The following ZNF248 variants were observed in gnomAD, a reference collection of about 807,000 sequenced individuals.
The protein encoded by ZNF248 is zinc finger protein 248, also known as KRAB protein domain.
Under a neutral mutation model 44.3 loss-of-function variants are expected in ZNF248, and 20 were observed. The observed-to-expected ratio is 0.45, with a 90% CI of 0.32 to 0.66. The LOEUF is 0.66. Ranked by LOEUF, ZNF248 falls within the 30% of genes least tolerant of loss-of-function variation. The pLI is 0.04. For missense variants in ZNF248, 654 were observed against 677.0 expected, an observed-to-expected ratio of 0.97 and a Z score of 0.38; for synonymous variants, 224 against 229.0, an observed-to-expected ratio of 0.98 and a Z score of 0.20.
intron 6 of ZNF248, among the ~76,000 whole-genome samples, chr10:37,813,760 GTGTT>G (rs2051956603): frequency 6.6e-6 from 1 of 152,196 alleles, no homozygotes. Flanking sequence ...GCGTGTGCAT[GTGTT>G]TGTGTGTGTT....
At chr10:37,802,930 A>G (rs2050004273) in intron 6 of ZNF248, 1 of 152,252 alleles carries the variant, frequency 6.6e-6, no homozygotes, top group East Asian at 1.9e-4. Context: ...CTGAAGCTCA[A>G]GTAATCCTCC....
chr10:37,821,096 A>G (rs954434753), intron 6 of ZNF248: 3 of 586,292 alleles, frequency 5.1e-6, no homozygotes, highest in Admixed American at 6.2e-5. Context: ...AGAGGTCCTC[A>G]TGCTGCCATT....
At chr10:37,795,321 C>T (rs1258044791) in intron 6 of ZNF248, 2 of 152,038 alleles carry the variant, frequency 1.3e-5, no homozygotes, top group East Asian at 1.9e-4. Context: ...TTCAAAGAGG[C>T]TCTCCCCTGT....
chr10:37,781,645 G>T (rs973060686), intron 6 of ZNF248, among the ~76,000 whole-genome samples: 14 of 152,140 alleles, frequency 9.2e-5, no homozygotes, highest in African/African-American at 3.4e-4. Context: ...CCAACCTCTG[G>T]GCTACCCACA....
Position 37,832,594 on chromosome 10 carries a change from C to CT in ZNF248, c.760dup (p.Ser254LysfsTer45). 1.2e-6 allele frequency: 2 copies of CT among 1,613,662 alleles called. No individual in the cohort carries two copies. The highest frequency in any genetic ancestry group is 1.7e-6 in the Non-Finnish European group (2 of 1,179,898). On this transcript the variant is annotated frameshift_variant, in exon 6 of 6. Coordinates refer to ENST00000395867, the MANE Select transcript of ZNF248 (RefSeq NM_021045.3). LOFTEE classifies it high-confidence loss of function. ...TCTTTGAGATATATTCAGCTTTAAA[C>CT]TTTCAATGAAGGTTCTTCCACATTC...
Position 37,828,774 on chromosome 10 carries a change from C to T in ZNF248, c.*2841G>A. The stretch of plus-strand genomic sequence containing the variant: ...AATTAATCAAACAGTGCAGGGACAA[C>T]TGGCTATTTATTTGGAAGAATACAG... On this transcript the variant is annotated 3_prime_UTR_variant, in exon 6 of 6. Transcript: ENST00000395867. 1.0e-6 allele frequency: 1 copy of T among 985,298 alleles called. No individual in the cohort carries two copies. The highest frequency in any genetic ancestry group is 4.7e-5 in the South Asian group (1 of 21,292). The allele number at this position is 985,298 out of a possible 1,614,324, so 61.0% of individuals were successfully genotyped here. A position where few individuals can be genotyped will look rare whatever the true frequency, so the allele number is the denominator to read the frequency against.
intron 6 of ZNF248, chr10:37,821,123 CTT>C: frequency 1.9e-6 from 1 of 526,194 alleles, no homozygotes; most frequent in South Asian, 2.6e-5. Flanking sequence ...GTCATGGTAA[CTT>C]TTTATATTTA....
At chr10:37,782,910 G>T (rs917836655) in intron 6 of ZNF248, among the ~76,000 whole-genome samples, 5 of 152,130 alleles carry the variant, frequency 3.3e-5, no homozygotes, top group African/African-American at 1.2e-4. Context: ...AAGCCACCCA[G>T]TTTTAGGTAC....
At chr10:37,815,489 ATTTGT>A (rs1270386368) in intron 6 of ZNF248, among the ~76,000 whole-genome samples, 4 of 151,910 alleles carry the variant, frequency 2.6e-5, no homozygotes, top group Non-Finnish European at 4.4e-5. Flanking sequence ...CAGCTCCAGA[ATTTGT>A]TTTCTCTATC....
intron 4 of ZNF248, 79 bp from the exon 5 acceptor site, chr10:37,837,791 G>T: frequency 7.0e-7 from 1 of 1,421,064 alleles, no homozygotes; most frequent in Non-Finnish European, 9.7e-7. Context: ...GGGAAGAAAG[G>T]CACAGCTTCA....
At chr10:37,828,747 T>C (rs890708829), downstream of ZNF248, 6 of 985,148 alleles carry the variant, frequency 6.1e-6, no homozygotes, top group African/African-American at 1.0e-4. Context: ...CAAGAAAGGG[T>C]GAATTAATCA....
Position 37,856,299 on chromosome 10 carries a change from G to GAA in ZNF248, c.11_12insTT (p.Gln5SerfsTer33). 6.2e-7 allele frequency: 1 copy of GAA among 1,613,278 alleles called. No homozygotes were observed. Among genetic ancestry groups the GAA allele is most frequent in the South Asian group, 1.1e-5 (1 of 91,022 alleles). ...AATAAAGAAACAAGAATCTCACCTG[G>GAA]GATTTGTTCATTTTCCGCTCTTAGT... On this transcript the variant is annotated frameshift_variant, in exon 3 of 6. Coordinates refer to ENST00000395867, the MANE Select transcript of ZNF248 (RefSeq NM_021045.3). LOFTEE classifies it high-confidence loss of function.
At position 37,820,339 on chromosome 10, in the gene ZNF248, CT is replaced by C. The variant is rs2053257077; in HGVS notation, c.330+12685del. On this transcript the variant is annotated intron_variant, in intron 6 of 6. Coordinates refer to the ZNF248 transcript ENST00000615949. The stretch of plus-strand genomic sequence containing the variant: ...GAAACAGAAGTGAAGCACAGGCCAG[CT>C]CCCCTTTGTGCCAGCTGCTCTGGGT... The C allele has an allele frequency of 1.3e-5, 18 of 1,399,440 alleles. No individual in the cohort carries two copies. In the South Asian group the frequency reaches 1.5e-4, roughly 12 times the overall value. The allele number at this position is 1,399,440 out of a possible 1,614,324, so 86.7% of individuals were successfully genotyped here.
chr10:37,794,102 A>G (rs1347888343), intron 6 of ZNF248, among the ~76,000 whole-genome samples: 1 of 152,226 alleles, frequency 6.6e-6, no homozygotes, highest in Non-Finnish European at 1.5e-5. Flanking sequence ...TCTCTCATAT[A>G]TAATGAGTTT....
At chr10:37,791,024 T>C (rs956654672) in intron 6 of ZNF248, among the ~76,000 whole-genome samples, 2 of 145,102 alleles carry the variant, frequency 1.4e-5, no homozygotes, top group Non-Finnish European at 3.0e-5. Flanking sequence ...TTTTTGTTTC[T>C]CTTATACTTT....
intron 6 of ZNF248, among the ~76,000 whole-genome samples, chr10:37,781,861 A>G (rs2047354554): frequency 6.6e-6 from 1 of 152,198 alleles, no homozygotes; most frequent in Non-Finnish European, 1.5e-5. Context: ...TAAGGTTATT[A>G]ATCTTCTCCT....
chr10:37,832,318 T>G lies in ZNF248; in HGVS notation c.1037A>C (p.His346Pro). 1 of 1,614,074 alleles carries G rather than the reference T, an allele frequency of 6.2e-7. No individual in the cohort carries two copies. The highest frequency in any genetic ancestry group is 1.3e-5 in the African/African-American group (1 of 75,046). ...GTAATCATAAGACTTTCCCCCCATGTGTACTATTTGATGTTTTAAGAGAGC... is the reference window on the plus strand; with the variant it reads ...GTAATCATAAGACTTTCCCCCCATGGGTACTATTTGATGTTTTAAGAGAGC... The part of the protein sequence containing the change: ...KSALLKHQIV[H>P]MGGKSYDYNE... The change falls in exon 6 of 6, where the codon CAC becomes CCC. Residue 346 changes from histidine to proline, a missense_variant. By Grantham distance (77) the His-to-Pro change is moderately conservative. Coordinates refer to ENST00000395867, the MANE Select transcript of ZNF248 (RefSeq NM_021045.3).
Position 37,832,576 on chromosome 10 carries a change from G to A in ZNF248, c.779C>T (p.Ser260Phe), listed in dbSNP as rs1216608583. Residue 260 changes from serine (S) to phenylalanine (F), a missense_variant, in exon 6 of 6, where the codon TCT becomes TTT. Physicochemically the swap from Ser to Phe is radical, Grantham distance 155. Coordinates refer to ENST00000395867, the MANE Select transcript of ZNF248 (RefSeq NM_021045.3). ...CTCCATTTCCAAATGAGGTCTTTGA[G>A]ATATATTCAGCTTTAAACTTTCAAT... ...TFIESLKLNI[S>F]QRPHLEMEPY... is the part of the protein sequence containing the mutation. The A allele has an allele frequency of 1.9e-6, 3 of 1,613,588 alleles. No individual in the cohort carries two copies. Among genetic ancestry groups the A allele is most frequent in the Admixed American group, 3.3e-5 (2 of 59,974 alleles).
chr10:37,825,808 C>A (rs2054288775), downstream of ZNF248, among the ~76,000 whole-genome samples: 1 of 150,696 alleles, frequency 6.6e-6, no homozygotes, highest in South Asian at 2.1e-4. Flanking sequence ...TTCATTAGAA[C>A]TGAAAATAAA....
Sources: gnomAD v4.1 joint callset for allele counts (sites outside exome capture counted in the v4.1 genomes callset) on GRCh38, gnomAD v4.1.1 for gene constraint, MANE v1.5 for transcripts, NCBI Gene and HGNC (gene_info 2026-07-23, HGNC 2026-07-21) for gene names.